MYO10: variants seen among roughly 807,000 people sequenced by gnomAD.
MYO10 encodes unconventional myosin-X.
Under a neutral mutation model 257.3 loss-of-function variants are expected in MYO10, and 133 were observed. The ratio of observed to expected loss-of-function variants is 0.52; its 90% CI spans 0.45 to 0.60. The LOEUF (loss-of-function observed/expected upper bound fraction) is 0.60. Among genes scored for constraint, MYO10 ranks in the 20% least tolerant of loss-of-function variants. The pLI is 0.00. For synonymous variants in MYO10, 1,104 were observed against 1,028.6 expected, an observed-to-expected ratio of 1.07 and a Z score of -1.40; for missense variants, 2,399 against 2,635.7, an observed-to-expected ratio of 0.91 and a Z score of 1.97.
intron 9 of MYO10, among the ~76,000 whole-genome samples, chr5:16,771,550 A>T (rs1346447064): frequency 3.8e-4 from 5 of 13,330 alleles, no homozygotes; most frequent in Admixed American, 6.9e-4. Flanking sequence ...ATTATGATTT[A>T]TTATTATTAT....
intron 2 of MYO10, among the ~76,000 whole-genome samples, chr5:16,851,714 T>C (rs962510139): frequency 4.6e-5 from 7 of 152,132 alleles, no homozygotes; most frequent in Admixed American, 3.3e-4. Context: ...TAAAATGATG[T>C]CAATTAATAT....
chr5:16,879,921 T>C (rs539505340), intron 1 of MYO10, among the ~76,000 whole-genome samples: 44 of 152,296 alleles, frequency 2.9e-4, no homozygotes, highest in African/African-American at 1.0e-3. Flanking sequence ...CTCACGCCTA[T>C]AATCCCAGCA....
chr5:16,759,548 C>G (rs16869108), intron 17 of MYO10, among the ~76,000 whole-genome samples: 31,607 of 152,106 alleles, frequency 0.21, 3,307 homozygotes, highest in Middle Eastern at 0.28. Context: ...AGCCCCAGCT[C>G]CTCGGTTTGC....
At chr5:16,667,849 G>A (rs569318089) in intron 40 of MYO10, among the ~76,000 whole-genome samples, 30 of 152,166 alleles carry the variant, frequency 2.0e-4, no homozygotes, top group Admixed American at 6.5e-4. Context: ...AATCCAGAAT[G>A]AGCTGCACCC....
intron 5 of MYO10, 117 bp downstream of exon 5, chr5:16,783,218 A>G (rs1560089): frequency 0.55 from 581,312 of 1,063,560 alleles, 160,645 homozygotes; most frequent in Middle Eastern, 0.62. Flanking sequence ...AAGGAATTGT[A>G]AAAGAGAAGT....
At position 16,762,751 on chromosome 5, in the gene MYO10, G is replaced by T; in HGVS notation, c.1495-114C>A. The T allele has an allele frequency of 4.2e-6, 3 of 712,990 alleles. No individual in the cohort carries two copies. In the East Asian group the frequency reaches 8.6e-5, roughly 20 times the overall value. 44.2% of individuals were successfully genotyped at this position (712,990 alleles called of 1,614,324 possible). The stretch of plus-strand genomic sequence containing the variant: ...AGCCAAGATGGGCAGATCATTTGAG[G>T]TCAGGAGTTCCAGACCAGCCTGGCC... On this transcript the variant is annotated intron_variant, in intron 14 of 40. Coordinates refer to ENST00000513610, the MANE Select transcript of MYO10 (RefSeq NM_012334.3).
At chr5:16,853,234 C>T (rs992062367) in intron 2 of MYO10, among the ~76,000 whole-genome samples, 3 of 151,952 alleles carry the variant, frequency 2.0e-5, no homozygotes, top group African/African-American at 4.8e-5. Flanking sequence ...ATTAGCCAGG[C>T]ATAGTGGTGG....
At chr5:16,781,466 T>G (rs1442645990) in intron 6 of MYO10, among the ~76,000 whole-genome samples, 1 of 152,108 alleles carries the variant, frequency 6.6e-6, no homozygotes, top group East Asian at 1.9e-4. Context: ...ACTCTTGAGC[T>G]CAAGCAATCC....
intron 1 of MYO10, among the ~76,000 whole-genome samples, chr5:16,895,564 G>C (rs1745192488): frequency 6.6e-6 from 1 of 151,920 alleles, no homozygotes; most frequent in Non-Finnish European, 1.5e-5. Flanking sequence ...CACCTCCTGA[G>C]GACCAATGGT....
chr5:16,773,338 A>G (rs933358047), intron 9 of MYO10, among the ~76,000 whole-genome samples: 4 of 152,236 alleles, frequency 2.6e-5, no homozygotes, highest in Admixed American at 2.0e-4. Context: ...GTTAAAGACC[A>G]TATCAGATAT....
chr5:16,699,786 CAAAAAAAAAAAAA>C (rs1203905060), intron 25 of MYO10: 2 of 52,920 alleles, frequency 3.8e-5, no homozygotes, highest in East Asian at 1.1e-3. Context: ...GCCTCAGTCT[CAAAAAAAAAAAAA>C]AAAAAAAAGG....
intron 1 of MYO10, 116 bp downstream of exon 1, chr5:16,935,671 TC>T: frequency 2.5e-6 from 3 of 1,211,934 alleles, no homozygotes; most frequent in Non-Finnish European, 3.6e-6. Flanking sequence ...TTCAGGAGAC[TC>T]CCAGAAAGTT....
chr5:16,820,387 G>A (rs1451587177), intron 2 of MYO10, among the ~76,000 whole-genome samples: 1 of 152,106 alleles, frequency 6.6e-6, no homozygotes, highest in Non-Finnish European at 1.5e-5. Context: ...GACCAGGGTG[G>A]GGCAGAAACA....
At position 16,698,012 on chromosome 5, in the gene MYO10, C is replaced by A. The variant is rs570033293; in HGVS notation, c.3556+1438G>T. ...TTATGGTTTCTTATTATCCCTGTCA[C>A]TGAGTTACGAGTCAGAGTCAAGAAC... On this transcript the variant is annotated intron_variant, in intron 26 of 40. Transcript: ENST00000513610. Among the ~76,000 whole-genome samples, 12 of 152,344 alleles carry A rather than the reference C, an allele frequency of 7.9e-5. No homozygotes were observed. In the East Asian group the frequency reaches 1.3e-3, roughly 17 times the overall value.
At chr5:16,896,958 G>A (rs902890472) in intron 1 of MYO10, among the ~76,000 whole-genome samples, 3 of 152,082 alleles carry the variant, frequency 2.0e-5, no homozygotes, top group Admixed American at 6.5e-5. Flanking sequence ...AAGGGAGAGA[G>A]AGAGAAGGAA....
chr5:16,673,751 T>A lies in MYO10; in HGVS notation c.5103A>T (p.Thr1701=). The A allele has an allele frequency of 6.2e-7, 1 of 1,613,978 alleles. No homozygotes were observed. ...CGCCGCCATGGCAATAGACCGTGGA[T>A]GTCATTTCCTGCCTGTGGATCAGAG... ...IEALIHRQEM[T]STVYCHGGGS... is the part of the protein sequence containing the mutation. The change falls in exon 36 of 41, where the codon ACA becomes ACT. Residue 1701 remains threonine (T), a synonymous_variant. Coordinates refer to ENST00000513610, the MANE Select transcript of MYO10 (RefSeq NM_012334.3).
intron 29 of MYO10, among the ~76,000 whole-genome samples, chr5:16,684,644 T>G (rs1441992441): frequency 6.6e-6 from 1 of 152,252 alleles, no homozygotes; most frequent in African/African-American, 2.4e-5. Context: ...AATCTTACAC[T>G]TCTTCTCCTA....
At chr5:16,702,865 A>G (rs755420105) in intron 23 of MYO10, 60 bp downstream of exon 23, 56 of 1,436,910 alleles carry the variant, frequency 3.9e-5, no homozygotes, top group Middle Eastern at 1.7e-4. Context: ...ACAGACAGAT[A>G]CCGAGCACAG....
At chr5:16,704,961 A>G (rs539548554) in intron 21 of MYO10, among the ~76,000 whole-genome samples, 90 of 152,366 alleles carry the variant, frequency 5.9e-4, no homozygotes, top group African/African-American at 1.9e-3. Flanking sequence ...TTCAACAGGC[A>G]TAAGATGACT....
Sources: gnomAD v4.1 joint callset for allele counts (sites outside exome capture counted in the v4.1 genomes callset) on GRCh38, gnomAD v4.1.1 for gene constraint, MANE v1.5 for transcripts, NCBI Gene and HGNC (gene_info 2026-07-23, HGNC 2026-07-21) for gene names.